The following SEL1L2 variants were observed in gnomAD, a reference collection of about 807,000 sequenced individuals.
The protein encoded by SEL1L2 is protein sel-1 homolog 2.
In SEL1L2, 89 loss-of-function variants were observed where a neutral mutation model predicts 98.8. The ratio of observed to expected loss-of-function variants is 0.90; its 90% CI spans 0.76 to 1.07. SEL1L2 has a LOEUF of 1.07. SEL1L2 is among the 50% of genes least tolerant of loss of function. The probability of loss-of-function intolerance (pLI) is 0.00; values close to 1 mark genes in which losing one functional copy is unlikely to be tolerated. For missense variants in SEL1L2, 788 were observed against 812.0 expected (o/e 0.97, Z 0.36); for synonymous variants, 262 against 278.5 (o/e 0.94, Z 0.59).
At chr20:13,980,145 CACA>C (rs1262483670) in intron 1 of SEL1L2, among the ~76,000 whole-genome samples, 3 of 152,102 alleles carry the variant, frequency 2.0e-5, no homozygotes, top group East Asian at 1.9e-4. Flanking sequence ...AAATTAAAAT[CACA>C]ACGAGATATT....
upstream of SEL1L2, chr20:13,990,739 T>G: frequency 1.9e-6 from 1 of 536,382 alleles, no homozygotes; most frequent in Middle Eastern, 4.7e-4. Flanking sequence ...GTGGAAAGGA[T>G]CCACTGCTAT....
At chr20:13,938,108 T>A (rs2049548124) in intron 2 of SEL1L2, among the ~76,000 whole-genome samples, 2 of 146,176 alleles carry the variant, frequency 1.4e-5, no homozygotes. Flanking sequence ...TGAGAGGGAG[T>A]TTTGCTCTGT....
intron 2 of SEL1L2, among the ~76,000 whole-genome samples, chr20:13,951,170 G>A (rs1022929850): frequency 3.3e-5 from 5 of 150,958 alleles, no homozygotes; most frequent in African/African-American, 9.8e-5. Context: ...CCAGCTACTC[G>A]GGAGGCTGAG....
At chr20:13,970,025 C>CT (rs11380130) in intron 1 of SEL1L2, among the ~76,000 whole-genome samples, 31,174 of 141,172 alleles carry the variant, frequency 0.22, 3,621 homozygotes, top group African/African-American at 0.34. Flanking sequence ...GCTCCATCCT[C>CT]TTTTTTTTTT....
At chr20:13,925,564 C>T (rs2048855358) in intron 3 of SEL1L2, among the ~76,000 whole-genome samples, 1 of 152,244 alleles carries the variant, frequency 6.6e-6, no homozygotes, top group South Asian at 2.1e-4. Context: ...CTATGAGACT[C>T]CTAGCTTTAT....
chr20:13,891,663 CAAAAAAAAAAA>C (rs61545047), intron 5 of SEL1L2, among the ~76,000 whole-genome samples: 4 of 74,246 alleles, frequency 5.4e-5, no homozygotes, highest in African/African-American at 2.4e-4. Context: ...AAGACTCCAT[CAAAAAAAAAAA>C]AAAAAAAAAA....
At chr20:13,892,449 CAAAA>C (rs11477736) in intron 5 of SEL1L2, among the ~76,000 whole-genome samples, 37 of 143,498 alleles carry the variant, frequency 2.6e-4, no homozygotes, top group Middle Eastern at 3.6e-3. Flanking sequence ...GACTCCATCT[CAAAA>C]AAAAAAAAAG....
At chr20:13,888,639 T>TC in intron 5 of SEL1L2, 127 bp from the exon 6 acceptor site, 1 of 438,056 alleles carries the variant, frequency 2.3e-6, no homozygotes, top group African/African-American at 2.4e-5. Context: ...CTTTCTCTTT[T>TC]TTTTTTTTTT....
intron 5 of SEL1L2, among the ~76,000 whole-genome samples, chr20:13,890,597 C>T (rs759577518): frequency 1.5e-4 from 23 of 151,716 alleles, no homozygotes; most frequent in Non-Finnish European, 2.7e-4. Flanking sequence ...AAAATAATAA[C>T]AACAACAACA....
intron 5 of SEL1L2, among the ~76,000 whole-genome samples, chr20:13,897,044 C>T (rs2047456517): frequency 6.6e-6 from 1 of 152,116 alleles, no homozygotes; most frequent in Non-Finnish European, 1.5e-5. Flanking sequence ...TCGTGTAGTA[C>T]TGGTATAAAG....
chr20:13,986,225 C>T (rs2052175755), intron 1 of SEL1L2, among the ~76,000 whole-genome samples: 1 of 152,114 alleles, frequency 6.6e-6, no homozygotes, highest in Admixed American at 6.5e-5. Flanking sequence ...CAAAGCATTG[C>T]AACATTTTAA....
intron 5 of SEL1L2, among the ~76,000 whole-genome samples, chr20:13,907,700 C>CTTTCTCTTTCTT (rs1328913961): frequency 1.6e-4 from 20 of 125,654 alleles, no homozygotes; most frequent in African/African-American, 5.6e-4. Context: ...TTCTTTCTTT[C>CTTTCTCTTTCTT]TCTTTCTTTC....
chr20:13,947,918 C>T (rs2050092955), intron 2 of SEL1L2, among the ~76,000 whole-genome samples: 2 of 152,232 alleles, frequency 1.3e-5, no homozygotes, highest in African/African-American at 2.4e-5. Context: ...AGTGACTGGA[C>T]CCCGTGCTCA....
intron 18 of SEL1L2, among the ~76,000 whole-genome samples, chr20:13,857,331 G>C (rs891633491): frequency 6.6e-6 from 1 of 152,068 alleles, no homozygotes. Flanking sequence ...CAGAAAACTG[G>C]CCAGAGAGAA....
chr20:13,882,293 C>T (rs78124104), intron 10 of SEL1L2, among the ~76,000 whole-genome samples: 1 of 152,304 alleles, frequency 6.6e-6, no homozygotes, highest in East Asian at 1.9e-4. Context: ...TCTGGAGCAG[C>T]TACACTATGG....
intron 2 of SEL1L2, among the ~76,000 whole-genome samples, chr20:13,951,976 G>A (rs866031970): frequency 1.3e-5 from 2 of 152,078 alleles, no homozygotes; most frequent in South Asian, 4.2e-4. Context: ...CCAGGTGATG[G>A]AAATAAACAG....
rs971832067 is a variant in SEL1L2, at chr20:13,974,714, C to T, written c.58+15763G>A. On this transcript the variant is annotated intron_variant, in intron 1 of 19. Coordinates refer to ENST00000284951, the MANE Select transcript of SEL1L2 (RefSeq NM_025229.2). ...GGCTCCCGACCTCAGGTGATCTATC[C>T]GCCTCAGCCTCCTGAAGTGCTGGGA... Among the ~76,000 whole-genome samples, 6 of 152,046 alleles carry T rather than the reference C, an allele frequency of 3.9e-5. 1 individual carries two copies. Among genetic ancestry groups the T allele is most frequent in the South Asian group, 4.2e-4 (2 of 4,812 alleles).
intron 5 of SEL1L2, among the ~76,000 whole-genome samples, chr20:13,901,785 C>G (rs1427167355): frequency 6.6e-6 from 1 of 151,886 alleles, no homozygotes; most frequent in Admixed American, 6.6e-5. Flanking sequence ...CCTCAGCCTC[C>G]GGAGTAGCTG....
intron 1 of SEL1L2, among the ~76,000 whole-genome samples, chr20:13,977,768 A>G (rs1206624849): frequency 6.6e-6 from 1 of 152,194 alleles, no homozygotes; most frequent in African/African-American, 2.4e-5. Context: ...TACTGAATAG[A>G]TCCAAAAAGT....
Sources: allele counts gnomAD v4.1 joint callset (sites outside exome capture counted in the v4.1 genomes callset), GRCh38; gene constraint gnomAD v4.1.1; transcripts MANE v1.5; gene names NCBI Gene and HGNC (gene_info 2026-07-23, HGNC 2026-07-21).